Variants in MAP7D2 observed in about 807,000 individuals in gnomAD.
The protein encoded by MAP7D2 is MAP7 domain containing 2, also known as MAP7 domain-containing protein 2.
A neutral mutation model predicts 63.5 loss-of-function variants in MAP7D2; 33 were observed. The ratio of observed to expected loss-of-function variants is 0.52; its 90% CI spans 0.39 to 0.70. The LOEUF (loss-of-function observed/expected upper bound fraction) is 0.70. Among genes scored for constraint, MAP7D2 ranks in the 30% least tolerant of loss-of-function variants. The pLI, the probability that MAP7D2 is intolerant of heterozygous loss-of-function variation, is 0.00. For synonymous variants in MAP7D2, 224 were observed against 223.7 expected (o/e 1.00, Z -0.01); for missense variants, 626 against 604.0 (o/e 1.04, Z -0.38).
At chrX:20,059,961 GTC>G (rs926970898) in intron 3 of MAP7D2, among the ~76,000 whole-genome samples, 1 of 110,749 alleles carries the variant, frequency 9.0e-6, no homozygotes, top group African/African-American at 3.3e-5. Context: ...TCAGACAGCA[GTC>G]TCTGGCAGGA....
intron 10 of MAP7D2, among the ~76,000 whole-genome samples, chrX:20,016,603 CTCAG>C (rs1478358222): frequency 8.9e-6 from 1 of 112,409 alleles, no homozygotes; most frequent in African/African-American, 3.2e-5. Context: ...ACAGATGCTC[CTCAG>C]TCAATGAACA....
rs767051707 is a variant in MAP7D2, at chrX:20,006,908, C to T, written c.*1517G>A. On this transcript the variant is annotated 3_prime_UTR_variant, in exon 17 of 17. Coordinates refer to ENST00000379643, the MANE Select transcript of MAP7D2 (RefSeq NM_001168465.2). The stretch of plus-strand genomic sequence containing the variant: ...TGTATTTCACATTAAACACAAGGTA[C>T]ATATCATGCAAATGAGGCATCACCA... The T allele has an allele frequency of 7.9e-4, 89 of 112,313 alleles. No individual in the cohort carries two copies. Among genetic ancestry groups the T allele is most frequent in the African/African-American group, 2.6e-3 (81 of 30,961 alleles). The allele number at this position is 112,313 out of a possible 1,213,427, so 9.3% of individuals were successfully genotyped here.
At chrX:20,023,714 G>T (rs2073739012) in intron 10 of MAP7D2, among the ~76,000 whole-genome samples, 1 of 111,372 alleles carries the variant, frequency 9.0e-6, no homozygotes, top group African/African-American at 3.3e-5. Flanking sequence ...AGCCTACATG[G>T]TATCTCCATG....
chrX:20,013,524 T>TCTACTTAGTACATAAA, intron 13 of MAP7D2, 45 bp downstream of exon 13: 1 of 1,064,829 alleles, frequency 9.4e-7, no homozygotes, highest in Non-Finnish European at 1.3e-6. Flanking sequence ...GCTGTTCTTT[T>TCTACTTAGTACATAAA]CTACTTAGTA....
intron 4 of MAP7D2, chrX:20,055,966 A>G (rs1306319022): frequency 3.5e-6 from 1 of 286,657 alleles, no homozygotes; most frequent in Non-Finnish European, 6.1e-6. Context: ...AAGAAAAAAT[A>G]AAGTATATTT....
chrX:20,050,249 T>C (rs1451512319), intron 6 of MAP7D2, among the ~76,000 whole-genome samples: 1 of 111,233 alleles, frequency 9.0e-6, no homozygotes, highest in African/African-American at 3.3e-5. Flanking sequence ...AGGTGGGGCC[T>C]TCCAACCAAG....
intron 1 of MAP7D2, among the ~76,000 whole-genome samples, chrX:20,083,180 T>C (rs1342963028): frequency 3.6e-5 from 4 of 112,439 alleles, no homozygotes; most frequent in Non-Finnish European, 5.6e-5. Flanking sequence ...ATTTTGAAAA[T>C]AGTAAAACTA....
chrX:20,060,432 GAGAAAGAAAGAAAGAAAGAAAGAA>G (rs59420678), intron 3 of MAP7D2, among the ~76,000 whole-genome samples: 29 of 69,223 alleles, frequency 4.2e-4, no homozygotes, highest in South Asian at 3.7e-3. Context: ...GAGAGAGAGA[GAGAAAGAAAGAAAGAAAGAAAGAA>G]AGAAAGAAAG....
intron 16 of MAP7D2, among the ~76,000 whole-genome samples, chrX:20,008,909 T>C (rs2073088637): frequency 8.9e-6 from 1 of 112,250 alleles, no homozygotes; most frequent in Non-Finnish European, 1.9e-5. Flanking sequence ...CTAATAAATT[T>C]TGTGGATTCT....
chrX:20,025,396 ATCT>A (rs994505091), intron 9 of MAP7D2, among the ~76,000 whole-genome samples: 3 of 111,947 alleles, frequency 2.7e-5, no homozygotes, highest in Middle Eastern at 4.2e-3. Context: ...CTAAAGGAAG[ATCT>A]TCTTTTGCGT....
chrX:20,049,954 T>C, intron 6 of MAP7D2: 1 of 275,359 alleles, frequency 3.6e-6, no homozygotes, highest in Non-Finnish European at 7.0e-6. Context: ...GAGCATCTTA[T>C]GAACCTATTA....
chrX:20,098,941 G>A, intron 1 of MAP7D2, among the ~76,000 whole-genome samples: 1 of 112,789 alleles, frequency 8.9e-6, no homozygotes, highest in East Asian at 2.8e-4. Flanking sequence ...CTCATGGTGT[G>A]TGTGCCATCC....
chrX:20,056,640 C>T (rs2065075104), intron 4 of MAP7D2, 40 bp downstream of exon 4: 3 of 1,105,495 alleles, frequency 2.7e-6, no homozygotes, highest in South Asian at 3.7e-5. Flanking sequence ...CCATTATTTC[C>T]CACCCAGGAC....
At chrX:20,050,413 T>C (rs1240253341) in intron 6 of MAP7D2, among the ~76,000 whole-genome samples, 1 of 112,180 alleles carries the variant, frequency 8.9e-6, no homozygotes, top group Non-Finnish European at 1.9e-5. Flanking sequence ...TAATTTAAAA[T>C]AGCTCCATCT....
At chrX:20,074,465 A>G (rs1315653955) in intron 1 of MAP7D2, among the ~76,000 whole-genome samples, 1 of 112,145 alleles carries the variant, frequency 8.9e-6, no homozygotes, top group Non-Finnish European at 1.9e-5. Flanking sequence ...TCATTATTGC[A>G]TGAGGGTATA....
At chrX:20,115,181 CTTA>C (rs1166381411) in intron 1 of MAP7D2, among the ~76,000 whole-genome samples, 71 of 105,112 alleles carry the variant, frequency 6.8e-4, no homozygotes, top group African/African-American at 2.4e-3. Context: ...CCAAACAGAA[CTTA>C]TTAAGAATCT....
intron 10 of MAP7D2, among the ~76,000 whole-genome samples, chrX:20,016,599 G>T (rs764142266): frequency 1.8e-5 from 2 of 112,490 alleles, no homozygotes; most frequent in Non-Finnish European, 3.8e-5. Flanking sequence ...GAAAACAGAT[G>T]CTCCTCAGTC....
At chrX:20,008,921 T>C (rs1303365923) in intron 16 of MAP7D2, among the ~76,000 whole-genome samples, 1 of 112,452 alleles carries the variant, frequency 8.9e-6, no homozygotes, top group East Asian at 2.8e-4. Context: ...GTGGATTCTC[T>C]GTTCCTTACT....
chrX:20,010,874 C>T lies in MAP7D2; in HGVS notation c.2251G>A (p.Asp751Asn), dbSNP rs1454435635. The T allele has an allele frequency of 4.1e-6, 5 of 1,210,714 alleles. 1 individual carries two copies. The highest frequency in any genetic ancestry group is 1.7e-5 in the African/African-American group (1 of 57,695). The change falls in exon 16 of 17, where the codon GAC (aspartate) becomes AAC (asparagine). Residue 751 changes from aspartate to asparagine, a missense_variant. By Grantham distance (23) the Asp-to-Asn change is conservative (BLOSUM62 1). Coordinates refer to ENST00000379643, the MANE Select transcript of MAP7D2 (RefSeq NM_001168465.2). ...CCTTCGATAAGGTTTTTGTTACAGT[C>T]GTCCAGGCTGAGATTTTCACTGGAT... ...KRSSENLSLD[D>N]CNKNLIEGFN...
Sources: gnomAD v4.1 joint callset for allele counts (sites outside exome capture counted in the v4.1 genomes callset) on GRCh38, gnomAD v4.1.1 for gene constraint, MANE v1.5 for transcripts, NCBI Gene and HGNC (gene_info 2026-07-23, HGNC 2026-07-21) for gene names.